The following CTTNBP2 variants were observed in gnomAD, a reference collection of about 807,000 sequenced individuals.
CTTNBP2 encodes cortactin-binding protein 2.
A neutral mutation model predicts 156.9 loss-of-function variants in CTTNBP2; 108 were observed. The observed-to-expected ratio is 0.69, with a 90% CI of 0.59 to 0.81. The LOEUF (loss-of-function observed/expected upper bound fraction) is 0.81, where lower values mean the gene tolerates loss of function less well. CTTNBP2 is among the 30% of genes least tolerant of loss of function. The probability of loss-of-function intolerance (pLI) is 0.00; values close to 1 mark genes in which losing one functional copy is unlikely to be tolerated. For synonymous variants in CTTNBP2, 767 were observed against 751.8 expected, an observed-to-expected ratio of 1.02 and a Z score of -0.33; for missense variants, 1,924 against 2,035.4, an observed-to-expected ratio of 0.95 and a Z score of 1.05.
Position 117,725,101 on chromosome 7 carries a change from G to A in CTTNBP2, c.4212C>T (p.Ser1404=). ...GQQAVVKAAL[S]ILLNKAVLHG... is the part of the protein sequence containing the mutation. ...GCAGTACAGCTTTATTTAGCAAGAT[G>A]CTGAGAGCAGCTTTGACCACAGCCT... Residue 1404 remains serine, a synonymous_variant, in exon 18 of 23, where the codon AGC becomes AGT. Coordinates refer to ENST00000160373, the MANE Select transcript of CTTNBP2 (RefSeq NM_033427.3). 1 of 1,613,012 alleles carries A rather than the reference G, an allele frequency of 6.2e-7. No homozygotes were observed. The highest frequency in any genetic ancestry group is 1.1e-5 in the South Asian group (1 of 91,032).
Position 117,784,305 on chromosome 7 carries a change from A to C in CTTNBP2, c.2218T>G (p.Ser740Ala). The change falls in exon 5 of 23, where the codon TCC becomes GCC. Residue 740 changes from serine (S) to alanine (A), a missense_variant. Transcript: ENST00000160373. ...AAGGCAGAATGGCCATCTTCACAGG[A>C]GTAATTAATGTCCAGTCCTTCTTCA... ...LNEEGLDINY[S>A]CEDGHSALYS... 1 of 1,613,988 alleles carries C rather than the reference A, an allele frequency of 6.2e-7. No individual in the cohort carries two copies. The highest frequency in any genetic ancestry group is 8.5e-7 in the Non-Finnish European group (1 of 1,179,950).
At chr7:117,757,397 T>C (rs1329042547) in intron 11 of CTTNBP2, among the ~76,000 whole-genome samples, 1 of 152,030 alleles carries the variant, frequency 6.6e-6, no homozygotes, top group African/African-American at 2.4e-5. Flanking sequence ...GCATATCTCA[T>C]TGGGTTATGA....
intron 21 of CTTNBP2, among the ~76,000 whole-genome samples, chr7:117,718,807 T>C (rs1248718297): frequency 6.6e-6 from 1 of 152,236 alleles, no homozygotes; most frequent in South Asian, 2.1e-4. Flanking sequence ...GCTGTGATGC[T>C]TGTTATAATT....
chr7:117,852,956 C>G (rs948814495), intron 2 of CTTNBP2, among the ~76,000 whole-genome samples: 1 of 152,104 alleles, frequency 6.6e-6, no homozygotes, highest in African/African-American at 2.4e-5. Flanking sequence ...GGCATATATC[C>G]TATTAGCTTT....
chr7:117,720,750 ACTAT>A (rs1297930206), intron 20 of CTTNBP2, among the ~76,000 whole-genome samples: 1 of 152,226 alleles, frequency 6.6e-6, no homozygotes, highest in East Asian at 1.9e-4. Context: ...TCATCTAATG[ACTAT>A]CTAAAAGTTC....
intron 2 of CTTNBP2, among the ~76,000 whole-genome samples, chr7:117,811,544 C>A (rs1031023835): frequency 6.6e-6 from 1 of 152,200 alleles, no homozygotes; most frequent in African/African-American, 2.4e-5. Context: ...CTCAAGTAAT[C>A]CCCCAGCCTT....
intron 10 of CTTNBP2, chr7:117,758,203 G>A: frequency 2.0e-6 from 1 of 503,964 alleles, no homozygotes; most frequent in African/African-American, 1.9e-5. Context: ...GCAGCCCATA[G>A]GAGGGATTCA....
chr7:117,769,924 T>C (rs1050289924), intron 8 of CTTNBP2, among the ~76,000 whole-genome samples: 2 of 152,250 alleles, frequency 1.3e-5, no homozygotes, highest in Non-Finnish European at 2.9e-5. Flanking sequence ...TCATTTAACA[T>C]TTCCCTGCTT....
intron 2 of CTTNBP2, among the ~76,000 whole-genome samples, chr7:117,816,086 G>C (rs555374829): frequency 1.3e-5 from 2 of 152,276 alleles, no homozygotes; most frequent in East Asian, 3.9e-4. Context: ...CTTCCCAGGG[G>C]GGCAATCTTC....
intron 2 of CTTNBP2, among the ~76,000 whole-genome samples, chr7:117,845,498 T>C (rs1388576381): frequency 6.6e-6 from 1 of 152,118 alleles, no homozygotes; most frequent in Non-Finnish European, 1.5e-5. Context: ...AGAGCATTTA[T>C]TACATTAATA....
Position 117,792,902 on chromosome 7 carries a change from C to CGCCAG in CTTNBP2, c.415-122_415-121insCTGGC. On this transcript the variant is annotated intron_variant, in intron 3 of 22. Coordinates refer to ENST00000160373, the MANE Select transcript of CTTNBP2 (RefSeq NM_033427.3). This position sits in a 1 kb window ranked among gnomAD's most constrained non-coding sequence, Gnocchi z 4.2. The stretch of plus-strand genomic sequence containing the variant: ...ATTACATAACTCGGGTTAGCAAAAA[C>CGCCAG]GCCACATTTTCAAAAAGTGTTGTGA... 1 of 617,978 alleles carries CGCCAG rather than the reference C, an allele frequency of 1.6e-6. No homozygotes were observed. The highest frequency in any genetic ancestry group is 2.5e-6 in the Non-Finnish European group (1 of 404,460). The allele number at this position is 617,978 out of a possible 1,614,324, so 38.3% of individuals were successfully genotyped here.
At chr7:117,864,426 C>G (rs1371051689) in intron 1 of CTTNBP2, among the ~76,000 whole-genome samples, 2 of 151,778 alleles carry the variant, frequency 1.3e-5, no homozygotes, top group African/African-American at 4.8e-5. Flanking sequence ...TTCCATAGTA[C>G]AAATATAATA....
intron 1 of CTTNBP2, among the ~76,000 whole-genome samples, chr7:117,864,438 T>A (rs1305624670): frequency 6.6e-6 from 1 of 151,844 alleles, no homozygotes; most frequent in Non-Finnish European, 1.5e-5. Context: ...AATATAATAA[T>A]AATATTTTCA....
At chr7:117,757,479 C>T (rs1435794580) in intron 11 of CTTNBP2, among the ~76,000 whole-genome samples, 1 of 134,636 alleles carries the variant, frequency 7.4e-6, no homozygotes, top group South Asian at 2.4e-4. Context: ...GCTCACTAAA[C>T]ATTAGCCTGT....
intron 2 of CTTNBP2, among the ~76,000 whole-genome samples, chr7:117,834,629 TAAAGA>T (rs1384473403): frequency 6.6e-6 from 1 of 152,204 alleles, no homozygotes; most frequent in African/African-American, 2.4e-5. Context: ...AGTAAATACA[TAAAGA>T]AAAGAATATG....
chr7:117,852,988 G>C (rs1007174808), intron 2 of CTTNBP2, among the ~76,000 whole-genome samples: 7 of 152,090 alleles, frequency 4.6e-5, no homozygotes, highest in African/African-American at 1.7e-4. Context: ...TCCTAAAGTA[G>C]GGGTACTACC....
chr7:117,801,090 T>G (rs1799582258), intron 3 of CTTNBP2, among the ~76,000 whole-genome samples: 4 of 152,114 alleles, frequency 2.6e-5, no homozygotes, highest in Admixed American at 2.6e-4. Flanking sequence ...TCCACACTGA[T>G]GTAATAAACA....
intron 7 of CTTNBP2, 31 bp from the exon 8 acceptor site, chr7:117,777,796 T>G (rs1366045854): frequency 1.3e-6 from 2 of 1,587,332 alleles, no homozygotes; most frequent in South Asian, 2.3e-5. Flanking sequence ...GGGAAAGGGT[T>G]GATAACAACA....
chr7:117,779,813 T>C (rs914061380), intron 7 of CTTNBP2, among the ~76,000 whole-genome samples: 3 of 151,894 alleles, frequency 2.0e-5, no homozygotes, highest in African/African-American at 7.3e-5. Context: ...CAGGCTGGAG[T>C]GCAACAGCGC....
Sources: gnomAD v4.1 joint callset for allele counts (sites outside exome capture counted in the v4.1 genomes callset) on GRCh38, gnomAD v4.1.1 for gene constraint, Gnocchi (gnomAD v3.1) non-coding constraint, MANE v1.5 for transcripts, NCBI Gene and HGNC (gene_info 2026-07-23, HGNC 2026-07-21) for gene names.